Variants in PYHIN1 observed in about 807,000 individuals in gnomAD.
The protein encoded by PYHIN1 is pyrin and HIN domain family member 1, also known as pyrin and HIN domain-containing protein 1.
Under a neutral mutation model 43.7 loss-of-function variants are expected in PYHIN1, and 32 were observed. The observed-to-expected ratio is 0.73, with a 90% confidence interval of 0.55 to 0.98. PYHIN1 has a LOEUF of 0.98. Among genes scored for constraint, PYHIN1 ranks in the 50% least tolerant of loss-of-function variants. The probability of loss-of-function intolerance (pLI) is 0.00; values close to 1 mark genes in which losing one functional copy is unlikely to be tolerated. For synonymous variants in PYHIN1, 205 were observed against 203.1 expected (o/e 1.01, Z -0.08); for missense variants, 588 against 589.5 (o/e 1.00, Z 0.03).
intron 7 of PYHIN1, among the ~76,000 whole-genome samples, chr1:158,971,774 T>A (rs1650942019): frequency 6.6e-6 from 1 of 151,906 alleles, no homozygotes; most frequent in Non-Finnish European, 1.5e-5. Flanking sequence ...CCAGCAGAGG[T>A]GCTTGACCAA....
chr1:158,945,715 T>C (rs1344924585), intron 7 of PYHIN1, among the ~76,000 whole-genome samples: 3 of 152,208 alleles, frequency 2.0e-5, no homozygotes, highest in South Asian at 2.1e-4. Flanking sequence ...TTTCCCTTAA[T>C]AGGGTCAGTG....
rs184577273 is a variant in PYHIN1, at chr1:158,976,268, C to T, written c.*6-433C>T. 2.4e-3 allele frequency among the ~76,000 whole-genome samples: 369 copies of T among 152,200 alleles called. 1 individual carries two copies. The highest frequency in any genetic ancestry group is 4.2e-3 in the Admixed American group (64 of 15,272). On this transcript the variant is annotated intron_variant, in intron 8 of 8. Coordinates refer to ENST00000368140, the MANE Select transcript of PYHIN1 (RefSeq NM_152501.5). ...ATTCAGACACACAAAAATGCAAAGG[C>T]TTTCTGATTGCTCCAGTTCTCAGGG...
intron 7 of PYHIN1, among the ~76,000 whole-genome samples, chr1:158,956,371 C>T (rs1042500736): frequency 1.3e-5 from 2 of 152,068 alleles, no homozygotes; most frequent in East Asian, 1.9e-4. Context: ...ACTGGCAAAA[C>T]GAATCCAGCA....
At chr1:158,963,380 G>C (rs1236386432) in intron 7 of PYHIN1, among the ~76,000 whole-genome samples, 7 of 152,050 alleles carry the variant, frequency 4.6e-5, no homozygotes, top group Admixed American at 3.3e-4. Flanking sequence ...GTTTCTCTGG[G>C]GTGGACCACC....
At chr1:158,938,326 G>C in intron 2 of PYHIN1, 71 bp from the exon 3 acceptor site, 1 of 1,516,396 alleles carries the variant, frequency 6.6e-7, no homozygotes, top group Non-Finnish European at 9.1e-7. Context: ...AGAGCAAATA[G>C]TATTGAAACT....
intron 7 of PYHIN1, among the ~76,000 whole-genome samples, chr1:158,953,449 C>T (rs1294101991): frequency 2.7e-5 from 4 of 150,500 alleles, no homozygotes; most frequent in African/African-American, 4.9e-5. Context: ...GACCCCTGAC[C>T]CCCGAGCAGC....
chr1:158,937,916 G>C (rs1415537238), intron 2 of PYHIN1, among the ~76,000 whole-genome samples: 1 of 148,798 alleles, frequency 6.7e-6, no homozygotes. Flanking sequence ...CTGCACTCCC[G>C]CCTGGGCGAC....
the PYHIN1 span, among the ~76,000 whole-genome samples, chr1:158,988,234 A>G: frequency 3.3e-5 from 5 of 152,198 alleles, no homozygotes; most frequent in Admixed American, 6.5e-5. Context: ...ATGGGGTATT[A>G]TTGTAACAAA....
downstream of PYHIN1, among the ~76,000 whole-genome samples, chr1:158,979,231 G>A (rs973047554): frequency 6.6e-6 from 1 of 152,112 alleles, no homozygotes; most frequent in Non-Finnish European, 1.5e-5. Flanking sequence ...GCACAGTGTT[G>A]TGCAGCAGAT....
chr1:158,978,630 G>T (rs923199299), downstream of PYHIN1, among the ~76,000 whole-genome samples: 1 of 152,080 alleles, frequency 6.6e-6, no homozygotes, highest in Non-Finnish European at 1.5e-5. Context: ...GTATGTAGAT[G>T]ATGGTAATTA....
At chr1:158,950,885 T>C (rs1649492256) in intron 7 of PYHIN1, among the ~76,000 whole-genome samples, 1 of 152,204 alleles carries the variant, frequency 6.6e-6, no homozygotes, top group Non-Finnish European at 1.5e-5. Context: ...TGGACCATTA[T>C]CAGTTTTAAT....
At chr1:158,961,393 A>T (rs890862553) in intron 7 of PYHIN1, among the ~76,000 whole-genome samples, 1 of 152,166 alleles carries the variant, frequency 6.6e-6, no homozygotes, top group South Asian at 2.1e-4. Context: ...TTAAATCTTC[A>T]TTTAAGATAC....
chr1:158,936,801 T>C, intron 1 of PYHIN1, 90 bp from the exon 2 acceptor site: 6 of 816,630 alleles, frequency 7.3e-6, no homozygotes, highest in South Asian at 3.2e-5. Context: ...AACAACTCTT[T>C]CTTATGGGCC....
rs1030400216 is a variant in PYHIN1, at chr1:158,946,057, G to A, written c.1359+1015G>A. ...TATGGGGCTTTAGATTAAAAGTTGA[G>A]ATATACTAATGTCAGCAATTTATTT... On this transcript the variant is annotated intron_variant, in intron 7 of 8. Coordinates refer to ENST00000368140, the MANE Select transcript of PYHIN1 (RefSeq NM_152501.5). Among the ~76,000 whole-genome samples the A allele has an allele frequency of 2.0e-5, 3 of 152,198 alleles. No homozygotes were observed. The East Asian group carries it at 5.8e-4, about 29-fold the overall frequency.
In PYHIN1 at chr1:158,947,752, C is replaced by T. The variant is rs542815451; in HGVS notation, c.1359+2710C>T. Among the ~76,000 whole-genome samples the T allele has an allele frequency of 5.9e-5, 9 of 152,370 alleles. No individual in the cohort carries two copies. The East Asian group carries it at 1.5e-3, about 26-fold the overall frequency. On this transcript the variant is annotated intron_variant, in intron 7 of 8. Transcript: ENST00000368140. ...TTAGCACAGATTTAATTGACAAAGGCTTTGAGTCAACACACCTGTAGGTAA... is the reference window on the plus strand; with the variant it reads ...TTAGCACAGATTTAATTGACAAAGGTTTTGAGTCAACACACCTGTAGGTAA...
At chr1:158,965,572 A>G (rs191356693) in intron 7 of PYHIN1, among the ~76,000 whole-genome samples, 1 of 152,322 alleles carries the variant, frequency 6.6e-6, no homozygotes, top group Admixed American at 6.5e-5. Flanking sequence ...ATAAAAGTAT[A>G]AATCTATAGT....
intron 7 of PYHIN1, among the ~76,000 whole-genome samples, chr1:158,968,663 T>A (rs1207464199): frequency 1.3e-5 from 2 of 152,118 alleles, no homozygotes; most frequent in Non-Finnish European, 2.9e-5. Flanking sequence ...ATTGCACCAC[T>A]ATTCACAATA....
chr1:158,976,897 TA>T lies in PYHIN1; in HGVS notation c.*203del. 3.9e-5 allele frequency: 1 copy of T among 25,784 alleles called. No individual in the cohort carries two copies. The allele number at this position is 25,784 out of a possible 1,614,324, so 1.6% of individuals were successfully genotyped here. ...ATATATATATATATATATATATATA[TA>T]TATATATATATATATATACCAGCTA... On this transcript the variant is annotated 3_prime_UTR_variant, in exon 9 of 9. Transcript: ENST00000368140.
At chr1:158,985,220 G>A in the PYHIN1 span, among the ~76,000 whole-genome samples, 27 of 152,254 alleles carry the variant, frequency 1.8e-4, no homozygotes, top group Middle Eastern at 3.4e-3. Flanking sequence ...TTGTTATGTA[G>A]ACTTGATTGT....
Sources: allele counts gnomAD v4.1 joint callset (sites outside exome capture counted in the v4.1 genomes callset), GRCh38; gene constraint gnomAD v4.1.1; transcripts MANE v1.5; gene names NCBI Gene and HGNC (gene_info 2026-07-23, HGNC 2026-07-21).